STRAP: variants seen among roughly 807,000 people sequenced by gnomAD.
The protein encoded by STRAP is serine-threonine kinase receptor-associated protein.
In STRAP, 16 loss-of-function variants were observed where a neutral mutation model predicts 47.0. That is an observed-to-expected ratio of 0.34 (90% CI 0.23 to 0.52). The LOEUF (loss-of-function observed/expected upper bound fraction) is 0.52, where lower values mean the gene tolerates loss of function less well. Among genes scored for constraint, STRAP ranks in the 20% least tolerant of loss-of-function variants. The pLI, the probability that STRAP is intolerant of heterozygous loss-of-function variation, is 0.96. For missense variants in STRAP, 293 were observed against 420.0 expected (o/e 0.70, Z 2.64); for synonymous variants, 130 against 142.7 (o/e 0.91, Z 0.63).
Position 15,887,282 on chromosome 12 carries a change from G to T in STRAP, c.249-2646G>T, listed in dbSNP as rs1051548604. 1.3e-5 allele frequency among the ~76,000 whole-genome samples: 2 copies of T among 152,164 alleles called. No individual in the cohort carries two copies. The highest frequency in any genetic ancestry group is 2.9e-5 in the Non-Finnish European group (2 of 68,022). On this transcript the variant is annotated intron_variant, in intron 2 of 9. Coordinates refer to ENST00000419869, the MANE Select transcript of STRAP (RefSeq NM_007178.4). The surrounding 1 kb of genome is among the most constrained non-coding windows in gnomAD (Gnocchi z 5.5). ...TAAGTTCATTCTGAGGATATGGAAA[G>T]TATCAGGCAGCATTATTATTTGCAA...
chr12:15,897,542 A>G (rs1359807974), intron 6 of STRAP, among the ~76,000 whole-genome samples: 3 of 152,124 alleles, frequency 2.0e-5, no homozygotes, highest in African/African-American at 7.2e-5. Flanking sequence ...AAATGAAACA[A>G]TACAGGTGAA....
At position 15,890,533 on chromosome 12, in the gene STRAP, A is replaced by G; in HGVS notation, c.331-64A>G. ...TAGATTTTGATTTTATTTGGTGTTGAAATTTGAAAGAGAAATAACTATTAA... is the reference window on the plus strand; with the variant it reads ...TAGATTTTGATTTTATTTGGTGTTGGAATTTGAAAGAGAAATAACTATTAA... On this transcript the variant is annotated intron_variant, in intron 3 of 9. Transcript: ENST00000419869. The surrounding 1 kb of genome is among the most constrained non-coding windows in gnomAD (Gnocchi z 4.5). The G allele has an allele frequency of 1.5e-6, 2 of 1,363,748 alleles. No individual in the cohort carries two copies. Among genetic ancestry groups the G allele is most frequent in the South Asian group, 1.2e-5 (1 of 81,490 alleles). 84.5% of individuals were successfully genotyped at this position (1,363,748 alleles called of 1,614,324 possible).
At chr12:15,883,095 A>G in intron 1 of STRAP, 1 of 1,535,682 alleles carries the variant, frequency 6.5e-7, no homozygotes. Context: ...GCTGGTCAGC[A>G]TTTGCCTAGA....
intron 8 of STRAP, among the ~76,000 whole-genome samples, chr12:15,900,703 G>A (rs1308730054): frequency 3.3e-5 from 5 of 152,090 alleles, no homozygotes; most frequent in Non-Finnish European, 5.9e-5. Context: ...AATAAAGATA[G>A]ACATGTTCTT....
At chr12:15,895,998 G>A (rs1036041100) in intron 6 of STRAP, among the ~76,000 whole-genome samples, 5 of 151,858 alleles carry the variant, frequency 3.3e-5, no homozygotes, top group African/African-American at 9.7e-5. Context: ...TGAGGTGGGC[G>A]GACCACTTGA....
In STRAP at chr12:15,897,917, C is replaced by T; in HGVS notation, c.674C>T (p.Thr225Ile). ...DPIKSFEAPA[T>I]INSASLHPEK... ...ATTAAATCCTTTGAAGCTCCTGCAA[C>T]CATCAATTCTGCATCTCTTCATCCT... The change falls in exon 7 of 10, where the codon ACC (threonine) becomes ATC (isoleucine). Residue 225 changes from threonine (T) to isoleucine (I), a missense_variant. By Grantham distance (89) the Thr-to-Ile change is moderately conservative. Around this residue, in one of 5 missense-constraint regions of STRAP, gnomAD observed 152 missense variants for 183.0 expected, o/e 0.83. Transcript: ENST00000419869. The T allele has an allele frequency of 6.3e-7, 1 of 1,577,914 alleles. No homozygotes were observed. Among genetic ancestry groups the T allele is most frequent in the Non-Finnish European group, 8.6e-7 (1 of 1,166,270 alleles).
intron 4 of STRAP, among the ~76,000 whole-genome samples, chr12:15,891,869 C>T (rs1037905531): frequency 3.9e-5 from 6 of 151,920 alleles, no homozygotes; most frequent in African/African-American, 1.5e-4. Flanking sequence ...TCGCTTGAAC[C>T]CGGGAGGTAG....
intron 8 of STRAP, among the ~76,000 whole-genome samples, 176 bp downstream of exon 8, chr12:15,900,229 T>C (rs1384395435): frequency 6.6e-6 from 1 of 152,184 alleles, no homozygotes; most frequent in Non-Finnish European, 1.5e-5. Context: ...CATGTTCCTT[T>C]GTTTAAATTT....
intron 4 of STRAP, among the ~76,000 whole-genome samples, chr12:15,891,935 T>A (rs1475040682): frequency 6.7e-6 from 1 of 148,824 alleles, no homozygotes; most frequent in Non-Finnish European, 1.5e-5. Flanking sequence ...CAAAACTCCT[T>A]CTCAAAAAGA....
At chr12:15,888,768 A>G (rs1338644744) in intron 2 of STRAP, among the ~76,000 whole-genome samples, 2 of 152,130 alleles carry the variant, frequency 1.3e-5, no homozygotes, top group Non-Finnish European at 2.9e-5. Context: ...CTTAAATGTG[A>G]TATTTAATGC....
At chr12:15,891,290 T>TTA (rs1016573284) in intron 4 of STRAP, among the ~76,000 whole-genome samples, 1 of 152,180 alleles carries the variant, frequency 6.6e-6, no homozygotes, top group Non-Finnish European at 1.5e-5. Flanking sequence ...GAAAGATTGG[T>TTA]TATTTATAGA....
At chr12:15,885,205 T>TTA (rs1257112484) in intron 2 of STRAP, among the ~76,000 whole-genome samples, 2 of 145,006 alleles carry the variant, frequency 1.4e-5, no homozygotes, top group African/African-American at 5.3e-5. Context: ...TTTTTTTTTT[T>TTA]AAAGACAGAG....
At chr12:15,883,795 C>T in intron 2 of STRAP, 119 bp downstream of exon 2, 2 of 1,310,348 alleles carry the variant, frequency 1.5e-6, no homozygotes, top group Non-Finnish European at 2.1e-6. Context: ...ATACAGAACG[C>T]ATGTTTGATC....
rs113113543 is a variant in STRAP at position 15,890,978 on chromosome 12, T to G, written c.403+309T>G. Among the ~76,000 whole-genome samples, 1,659 of 151,898 alleles carry G rather than the reference T, an allele frequency of 0.011. 37 individuals carry two copies. The highest frequency in any genetic ancestry group is 0.038 in the African/African-American group (1,591 of 41,378). ...GGGAGGCTGAGGCAGGAGAATCGCTTGAACCCGGGAGGTGGAGGTTGCAGT... is the reference window on the plus strand; with the variant it reads ...GGGAGGCTGAGGCAGGAGAATCGCTGGAACCCGGGAGGTGGAGGTTGCAGT... On this transcript the variant is annotated intron_variant, in intron 4 of 9. Coordinates refer to ENST00000419869, the MANE Select transcript of STRAP (RefSeq NM_007178.4). This position sits in a 1 kb window ranked among gnomAD's most constrained non-coding sequence, Gnocchi z 4.5.
At position 15,902,906 on chromosome 12, in the gene STRAP, TTTA is replaced by T; in HGVS notation, c.992-10_992-8del. 3 of 1,504,588 alleles carry T rather than the reference TTTA, an allele frequency of 2.0e-6. No homozygotes were observed. Among genetic ancestry groups the T allele is most frequent in the Non-Finnish European group, 2.6e-6 (3 of 1,137,252 alleles). 93.2% of individuals were successfully genotyped at this position (1,504,588 alleles called of 1,614,324 possible). ...GTGACTTTTTTTTTTTTTTTTTTTT[TTTA>T]CTTATAGAAGAAATTGCTTCAGAGA... On this transcript the variant is annotated splice_polypyrimidine_tract_variant and splice_region_variant and intron_variant, in intron 9 of 9. Transcript: ENST00000419869.
Position 15,897,867 on chromosome 12 carries a change from T to G in STRAP, c.639-15T>G. 6.7e-7 allele frequency: 1 copy of G among 1,494,990 alleles called. No homozygotes were observed. The highest frequency in any genetic ancestry group is 8.9e-7 in the Non-Finnish European group (1 of 1,124,456). The allele number at this position is 1,494,990 out of a possible 1,614,324, so 92.6% of individuals were successfully genotyped here. Reference sequence around the variant, plus strand: ...ATATTCAAGATTTGTAAATACTACTTAAATTTTTTTTCAGTTTGGACCCAA... The same window carrying G: ...ATATTCAAGATTTGTAAATACTACTGAAATTTTTTTTCAGTTTGGACCCAA... On this transcript the variant is annotated splice_polypyrimidine_tract_variant and intron_variant, in intron 6 of 9. Transcript: ENST00000419869.
At chr12:15,883,454 T>C (rs1472754539) in intron 1 of STRAP, 87 bp from the exon 2 acceptor site, 4 of 1,428,676 alleles carry the variant, frequency 2.8e-6, no homozygotes, top group Admixed American at 2.3e-5. Context: ...CACTTTGTCA[T>C]TGAACATCAT....
intron 8 of STRAP, 135 bp from the exon 9 acceptor site, chr12:15,900,811 TA>T: frequency 1.7e-6 from 1 of 573,368 alleles, no homozygotes; most frequent in Non-Finnish European, 2.7e-6. Context: ...CACAGTTATT[TA>T]AAAAGGAGTT....
chr12:15,886,196 ATT>A (rs112205733), intron 2 of STRAP, among the ~76,000 whole-genome samples: 7 of 142,880 alleles, frequency 4.9e-5, no homozygotes, highest in Non-Finnish European at 4.6e-5. Context: ...TCATCATAGG[ATT>A]TTTTTTTTTT....
Sources: allele counts gnomAD v4.1 joint callset (sites outside exome capture counted in the v4.1 genomes callset), GRCh38; gene constraint gnomAD v4.1.1; regional missense constraint gnomAD v4.1.1; non-coding constraint Gnocchi (gnomAD v3.1); transcripts MANE v1.5; gene names NCBI Gene and HGNC (gene_info 2026-07-23, HGNC 2026-07-21).